Variants in TPRG1 observed in about 807,000 individuals in gnomAD.
TPRG1 encodes tumor protein p63-regulated gene 1 protein.
TPRG1 carries 29 observed loss-of-function variants against 29.3 expected under a neutral mutation model. That is an observed-to-expected ratio of 0.99 (90% CI 0.74 to 1.35). The LOEUF (loss-of-function observed/expected upper bound fraction) is 1.35. Ranked by LOEUF, TPRG1 falls within the 40% of genes most tolerant of loss-of-function variation. The probability of loss-of-function intolerance (pLI) is 0.00; values close to 1 mark genes in which losing one functional copy is unlikely to be tolerated. For missense variants in TPRG1, 327 were observed against 335.0 expected (o/e 0.98, Z 0.19); for synonymous variants, 130 against 116.8 (o/e 1.11, Z -0.73).
intron 3 of TPRG1, among the ~76,000 whole-genome samples, chr3:189,012,646 C>T (rs151164089): frequency 9.0e-4 from 137 of 152,156 alleles, no homozygotes; most frequent in African/African-American, 3.2e-3. Flanking sequence ...GGTTGGTAGG[C>T]TATTTATTAC....
chr3:189,063,190 C>CT (rs1716227432), intron 4 of TPRG1, among the ~76,000 whole-genome samples: 2 of 151,950 alleles, frequency 1.3e-5, no homozygotes, highest in African/African-American at 4.8e-5. Context: ...ATAAAAGGAT[C>CT]AACTTACTAG....
In TPRG1 at chr3:189,113,283, C is replaced by T. The variant is rs9820115; in HGVS notation, c.-744+13079C>T. ...AGCTTAAGGAGATTTTGGGCTGAGA[C>T]GATGGGGTTTTCTAGATATACAATC... On this transcript the variant is annotated intron_variant, in intron 1 of 6. Coordinates refer to the TPRG1 transcript ENST00000412373. Among the ~76,000 whole-genome samples, 442 of 152,264 alleles carry T rather than the reference C, an allele frequency of 2.9e-3. 4 individuals are homozygous for T. Among genetic ancestry groups the T allele is most frequent in the African/African-American group, 9.5e-3 (393 of 41,546 alleles).
At chr3:189,270,079 G>A (rs760099392) in intron 4 of TPRG1, among the ~76,000 whole-genome samples, 5 of 149,522 alleles carry the variant, frequency 3.3e-5, no homozygotes, top group Non-Finnish European at 7.4e-5. Flanking sequence ...GTAGAGTAAC[G>A]AGAGCACAAA....
chr3:189,201,602 G>A (rs1036899130), intron 1 of TPRG1, among the ~76,000 whole-genome samples: 10 of 152,068 alleles, frequency 6.6e-5, no homozygotes, highest in African/African-American at 2.4e-4. Context: ...TGCCAATACT[G>A]TTTTCTAAAT....
intron 3 of TPRG1, among the ~76,000 whole-genome samples, chr3:189,013,393 A>G (rs938609548): frequency 7.9e-5 from 12 of 152,118 alleles, no homozygotes; most frequent in African/African-American, 2.9e-4. Context: ...ACTGCTTGTT[A>G]TGATTTCAGT....
chr3:189,099,593 G>A (rs1413909812), upstream of TPRG1, among the ~76,000 whole-genome samples: 2 of 152,102 alleles, frequency 1.3e-5, no homozygotes, highest in African/African-American at 4.8e-5. Context: ...TGTGGTGGTG[G>A]GGGTGGATTT....
chr3:189,017,986 G>A (rs1198627486), intron 3 of TPRG1, among the ~76,000 whole-genome samples: 191 of 150,748 alleles, frequency 1.3e-3, no homozygotes, highest in African/African-American at 4.3e-3. Flanking sequence ...GCCAGTGATG[G>A]TGAGCATTTT....
chr3:189,237,630 AT>A (rs1739739116), intron 3 of TPRG1, among the ~76,000 whole-genome samples: 1 of 152,194 alleles, frequency 6.6e-6, no homozygotes, highest in South Asian at 2.1e-4. Context: ...AGGCCGGATT[AT>A]ACAGGCGTGT....
chr3:189,195,135 G>T (rs1268995796), intron 1 of TPRG1, among the ~76,000 whole-genome samples: 1 of 152,068 alleles, frequency 6.6e-6, no homozygotes, highest in Non-Finnish European at 1.5e-5. Context: ...AGGCCTGAGG[G>T]TATGGTGACT....
intron 3 of TPRG1, among the ~76,000 whole-genome samples, chr3:189,237,252 GTC>G (rs1739637643): frequency 6.6e-6 from 1 of 151,978 alleles, no homozygotes; most frequent in African/African-American, 2.4e-5. Context: ...AACAGACACA[GTC>G]TCTGCCTTCA....
chr3:189,064,632 C>T (rs566515163), intron 4 of TPRG1, among the ~76,000 whole-genome samples: 43 of 151,960 alleles, frequency 2.8e-4, no homozygotes, highest in African/African-American at 8.0e-4. Context: ...TAATCTCTAA[C>T]AATACTAGTA....
At chr3:189,238,106 A>G (rs1357320177) in intron 3 of TPRG1, among the ~76,000 whole-genome samples, 1 of 152,188 alleles carries the variant, frequency 6.6e-6, no homozygotes, top group African/African-American at 2.4e-5. Context: ...TTCAGTAAAC[A>G]CTTATCTAGT....
chr3:189,011,801 A>G (rs1274443829), intron 3 of TPRG1, among the ~76,000 whole-genome samples: 3 of 152,084 alleles, frequency 2.0e-5, no homozygotes, highest in Non-Finnish European at 4.4e-5. Flanking sequence ...GTCCTCTCTG[A>G]TTTCTTTGAA....
intron 4 of TPRG1, among the ~76,000 whole-genome samples, chr3:189,043,629 C>T (rs1001993507): frequency 1.3e-5 from 2 of 152,130 alleles, no homozygotes; most frequent in African/African-American, 4.8e-5. Flanking sequence ...GCGACAACTC[C>T]CTTCAGAGAC....
intron 3 of TPRG1, among the ~76,000 whole-genome samples, chr3:189,238,496 A>G (rs1739913197): frequency 6.6e-6 from 1 of 152,160 alleles, no homozygotes; most frequent in Admixed American, 6.5e-5. Context: ...TGGGTAATCA[A>G]CTATCTTTGA....
At chr3:189,219,115 A>T (rs1736536806) in intron 3 of TPRG1, among the ~76,000 whole-genome samples, 1 of 152,242 alleles carries the variant, frequency 6.6e-6, no homozygotes, top group African/African-American at 2.4e-5. Flanking sequence ...AGATTTTAGA[A>T]GAATAAAACA....
chr3:189,177,240 A>G (rs938499818), intron 1 of TPRG1, among the ~76,000 whole-genome samples: 2 of 152,046 alleles, frequency 1.3e-5, no homozygotes, highest in African/African-American at 4.8e-5. Context: ...TTTATTTGAG[A>G]TGGAGAAGAT....
chr3:189,033,428 C>A (rs367912250), intron 4 of TPRG1, among the ~76,000 whole-genome samples: 1 of 152,092 alleles, frequency 6.6e-6, no homozygotes, highest in Non-Finnish European at 1.5e-5. Context: ...ACAACAGGTA[C>A]GTGCCACCAC....
At chr3:189,048,041 T>C (rs957198865) in intron 4 of TPRG1, among the ~76,000 whole-genome samples, 1 of 152,218 alleles carries the variant, frequency 6.6e-6, no homozygotes, top group African/African-American at 2.4e-5. Context: ...GAATAATGAA[T>C]TCCTTCCAGA....
Sources: gnomAD v4.1 joint callset for allele counts (sites outside exome capture counted in the v4.1 genomes callset) on GRCh38, gnomAD v4.1.1 for gene constraint, MANE v1.5 for transcripts, NCBI Gene and HGNC (gene_info 2026-07-23, HGNC 2026-07-21) for gene names.